Variants in ILDR2 observed in about 807,000 individuals in gnomAD.
ILDR2 encodes the protein immunoglobulin-like domain-containing receptor 2.
A neutral mutation model predicts 66.8 loss-of-function variants in ILDR2; 25 were observed. The observed-to-expected ratio is 0.37, with a 90% CI of 0.27 to 0.52. ILDR2 has a LOEUF of 0.52. ILDR2 is among the 20% of genes least tolerant of loss of function. ILDR2 has a pLI of 0.88. For synonymous variants in ILDR2, 367 were observed against 357.2 expected (o/e 1.03, Z -0.31); for missense variants, 827 against 876.8 (o/e 0.94, Z 0.72).
At position 166,909,758 on chromosome 1, in the gene ILDR2, T is replaced by TAA. The variant is rs1553224637; in HGVS notation, c.*9595_*9596dup. On this transcript the variant is annotated 3_prime_UTR_variant, in exon 10 of 10. Coordinates refer to ENST00000271417, the MANE Select transcript of ILDR2 (RefSeq NM_199351.3). ...ATACATATATATATATATATATATA[T>TAA]AAATATATATAAATATATATATTTA... The TAA allele has an allele frequency of 1.5e-3, 113 of 74,330 alleles. 1 individual carries two copies. The Middle Eastern group carries it at 0.019, about 12-fold the overall frequency. The allele number at this position is 74,330 out of a possible 1,614,324, so 4.6% of individuals were successfully genotyped here. A position where few individuals can be genotyped will look rare whatever the true frequency, so the allele number is the denominator to read the frequency against.
At chr1:166,956,375 C>A (rs1172536743) in intron 3 of ILDR2, among the ~76,000 whole-genome samples, 1 of 152,174 alleles carries the variant, frequency 6.6e-6, no homozygotes, top group African/African-American at 2.4e-5. Flanking sequence ...TCTGTGTAAT[C>A]TCTACCTTGC....
chr1:166,918,247 T>C lies in ILDR2; in HGVS notation c.*1108A>G, dbSNP rs1660163666. On this transcript the variant is annotated 3_prime_UTR_variant, in exon 10 of 10. Transcript: ENST00000271417. ...ATAGTGGCAGTCTAGTCAGGCCAAA[T>C]GCTGTATGTTCCACATCCCCCATGT... is the stretch of plus-strand genomic sequence containing the variant. 1 of 152,170 alleles carries C rather than the reference T, an allele frequency of 6.6e-6. No homozygotes were observed. Among genetic ancestry groups the C allele is most frequent in the Admixed American group, 6.6e-5 (1 of 15,266 alleles). The allele number at this position is 152,170 out of a possible 1,614,324, so 9.4% of individuals were successfully genotyped here. A position where few individuals can be genotyped will look rare whatever the true frequency, so the allele number is the denominator to read the frequency against.
At chr1:166,965,871 T>G (rs962102919) in intron 1 of ILDR2, among the ~76,000 whole-genome samples, 12 of 152,150 alleles carry the variant, frequency 7.9e-5, no homozygotes, top group Non-Finnish European at 1.2e-4. Context: ...AGATACTTTT[T>G]AGGAACAACC....
chr1:166,963,548 T>C (rs1274399842), intron 1 of ILDR2, among the ~76,000 whole-genome samples: 3 of 152,242 alleles, frequency 2.0e-5, no homozygotes, highest in Non-Finnish European at 4.4e-5. Context: ...ATGGTCTTCC[T>C]ACTTCCAACC....
At chr1:166,934,350 T>C (rs940951227) in intron 6 of ILDR2, among the ~76,000 whole-genome samples, 6 of 152,198 alleles carry the variant, frequency 3.9e-5, no homozygotes, top group African/African-American at 1.2e-4. Flanking sequence ...TCCTGAAGCC[T>C]CCTTTTCCTT....
At chr1:166,926,890 A>G (rs1035738128) in intron 7 of ILDR2, among the ~76,000 whole-genome samples, 177 bp downstream of exon 7, 8 of 151,968 alleles carry the variant, frequency 5.3e-5, no homozygotes, top group African/African-American at 1.9e-4. Flanking sequence ...TTCACACCAG[A>G]AGACCTTTTT....
rs1659563311 is a variant in ILDR2 at position 166,914,321 on chromosome 1, G to A, written c.*5034C>T. ...CTCACCAGATGTCTGGCTGTGAAGA[G>A]AAACTGGAATCTGGAATACCCAGAT... On this transcript the variant is annotated 3_prime_UTR_variant, in exon 10 of 10. Coordinates refer to ENST00000271417, the MANE Select transcript of ILDR2 (RefSeq NM_199351.3). The A allele has an allele frequency of 6.6e-6, 1 of 152,112 alleles. No homozygotes were observed. The highest frequency in any genetic ancestry group is 1.5e-5 in the Non-Finnish European group (1 of 68,020). The allele number at this position is 152,112 out of a possible 1,614,324, so 9.4% of individuals were successfully genotyped here. A position where few individuals can be genotyped will look rare whatever the true frequency, so the allele number is the denominator to read the frequency against.
At chr1:166,950,847 G>A (rs1000115204) in intron 3 of ILDR2, among the ~76,000 whole-genome samples, 4 of 151,978 alleles carry the variant, frequency 2.6e-5, no homozygotes, top group Non-Finnish European at 5.9e-5. Flanking sequence ...AAATAGGAGC[G>A]TGACAGGAAA....
At chr1:166,920,625 C>A in intron 9 of ILDR2, 82 bp downstream of exon 9, 1 of 1,310,122 alleles carries the variant, frequency 7.6e-7, no homozygotes, top group Non-Finnish European at 9.8e-7. Context: ...ACCTCCCCGG[C>A]CCCCAGACAG....
rs183764050 is a variant in ILDR2, at chr1:166,914,754, G to T, written c.*4601C>A. The T allele has an allele frequency of 6.6e-6, 1 of 152,168 alleles. No individual in the cohort carries two copies. The highest frequency in any genetic ancestry group is 1.5e-5 in the Non-Finnish European group (1 of 68,042). The allele number at this position is 152,168 out of a possible 1,614,324, so 9.4% of individuals were successfully genotyped here. A position where few individuals can be genotyped will look rare whatever the true frequency, so the allele number is the denominator to read the frequency against. ...GGGTAGGATAATGGCAGAAAAAAGC[G>T]AGGCACTTTTTCCTTCTAGGACTTT... On this transcript the variant is annotated 3_prime_UTR_variant, in exon 10 of 10. Coordinates refer to ENST00000271417, the MANE Select transcript of ILDR2 (RefSeq NM_199351.3).
intron 2 of ILDR2, among the ~76,000 whole-genome samples, chr1:166,896,496 A>G (rs1659168842): frequency 6.6e-6 from 1 of 151,798 alleles, no homozygotes; most frequent in Non-Finnish European, 1.5e-5. Flanking sequence ...TAAGCGGAAG[A>G]ATTTTAATTT....
intron 2 of ILDR2, among the ~76,000 whole-genome samples, chr1:166,897,096 A>C (rs1659181881): frequency 6.6e-6 from 1 of 152,214 alleles, no homozygotes; most frequent in South Asian, 2.1e-4. Flanking sequence ...TTAGAATAGC[A>C]ACTCTGATAG....
intron 3 of ILDR2, among the ~76,000 whole-genome samples, chr1:166,947,945 C>T (rs542850996): frequency 1.1e-3 from 172 of 152,308 alleles, no homozygotes; most frequent in Non-Finnish European, 2.1e-3. Flanking sequence ...CATTTGTTCT[C>T]TTAACACAGG....
At chr1:166,905,416 T>C (rs548817183), downstream of ILDR2, among the ~76,000 whole-genome samples, 6 of 152,322 alleles carry the variant, frequency 3.9e-5, no homozygotes, top group Admixed American at 6.5e-5. Context: ...GCTCATAACA[T>C]TTAAATTTTC....
chr1:166,920,950 G>A lies in ILDR2; in HGVS notation c.1641C>T (p.Ser547=). 1 of 1,483,690 alleles carries A rather than the reference G, an allele frequency of 6.7e-7. No homozygotes were observed. Among genetic ancestry groups the A allele is most frequent in the Admixed American group, 2.4e-5 (1 of 41,440 alleles). 91.9% of individuals were successfully genotyped at this position (1,483,690 alleles called of 1,614,324 possible). A position where few individuals can be genotyped will look rare whatever the true frequency, so the allele number is the denominator to read the frequency against. The change falls in exon 9 of 10, where the codon AGC becomes AGT. Residue 547 remains serine (S), a synonymous_variant. Transcript: ENST00000271417. ...ARPEGASRGG[S]LETPSKRSAQ... is the part of the protein sequence containing the mutation. The stretch of plus-strand genomic sequence containing the variant: ...CGCTCCGCTTGGATGGCGTCTCCAG[G>A]CTGCCACCGCGGCTGGCGCCCTCGG...
At chr1:166,971,573 A>G (rs1663301506) in intron 1 of ILDR2, among the ~76,000 whole-genome samples, 1 of 151,900 alleles carries the variant, frequency 6.6e-6, no homozygotes, top group African/African-American at 2.4e-5. Context: ...CAATCCTCCC[A>G]CTCAGGCCCT....
chr1:166,952,381 A>ATTT lies in ILDR2; in HGVS notation c.499+4351_499+4352insAAA, dbSNP rs1662031124. On this transcript the variant is annotated intron_variant, in intron 3 of 9. Transcript: ENST00000271417. Reference sequence around the variant, plus strand: ...ATACCTGTCACTGTCATCTTAAAGCACCAAAACACTATGCATTTCCATCTT... The same window carrying ATTT: ...ATACCTGTCACTGTCATCTTAAAGCATTTCCAAAACACTATGCATTTCCATCTT... 8.5e-5 allele frequency among the ~76,000 whole-genome samples: 13 copies of ATTT among 152,338 alleles called. No homozygotes were observed. In the South Asian group the frequency reaches 2.5e-3, roughly 29 times the overall value.
chr1:166,905,527 T>C (rs1250934071), downstream of ILDR2, among the ~76,000 whole-genome samples: 50 of 152,346 alleles, frequency 3.3e-4, no homozygotes, highest in Non-Finnish European at 4.4e-5. Flanking sequence ...ATTAAGTAGC[T>C]TTCTCTAGTA....
intron 8 of ILDR2, among the ~76,000 whole-genome samples, chr1:166,922,106 A>T (rs1247498923): frequency 2.0e-5 from 3 of 152,122 alleles, no homozygotes. Context: ...TTTACCTTTC[A>T]TATACTAAAT....
Sources: gnomAD v4.1 joint callset for allele counts (sites outside exome capture counted in the v4.1 genomes callset) on GRCh38, gnomAD v4.1.1 for gene constraint, MANE v1.5 for transcripts, NCBI Gene and HGNC (gene_info 2026-07-23, HGNC 2026-07-21) for gene names.